XPO4: variants seen among roughly 807,000 people sequenced by gnomAD.
The protein encoded by XPO4 is exportin 4, also known as exportin-4.
Under a neutral mutation model 143.0 loss-of-function variants are expected in XPO4, and 39 were observed. The ratio of observed to expected loss-of-function variants is 0.27; its 90% CI spans 0.21 to 0.36. XPO4 has a LOEUF of 0.36. Ranked by LOEUF, XPO4 falls within the 10% of genes least tolerant of loss-of-function variation. The pLI, the probability that XPO4 is intolerant of heterozygous loss-of-function variation, is 1.00. For synonymous variants in XPO4, 439 were observed against 474.0 expected, an observed-to-expected ratio of 0.93 and a Z score of 0.96; for missense variants, 907 against 1,348.0, an observed-to-expected ratio of 0.67 and a Z score of 5.12.
chr13:20,874,362 T>G (rs2060331854), intron 1 of XPO4, among the ~76,000 whole-genome samples: 1 of 151,770 alleles, frequency 6.6e-6, no homozygotes, highest in South Asian at 2.1e-4. Flanking sequence ...TTTAATTTCT[T>G]GTTTATCTTT....
At chr13:20,846,590 C>A (rs1269102630) in intron 4 of XPO4, among the ~76,000 whole-genome samples, 1 of 152,154 alleles carries the variant, frequency 6.6e-6, no homozygotes, top group Admixed American at 6.5e-5. Context: ...ATAGACTTAG[C>A]CCCCTGAACA....
At chr13:20,874,120 G>A (rs9579960) in intron 1 of XPO4, among the ~76,000 whole-genome samples, 13,724 of 152,140 alleles carry the variant, frequency 0.09, 812 homozygotes, top group Non-Finnish European at 0.13. Context: ...TACTGCTGGC[G>A]ACACACAGTT....
chr13:20,802,088 C>T (rs1373567198), intron 13 of XPO4, among the ~76,000 whole-genome samples: 1 of 152,098 alleles, frequency 6.6e-6, no homozygotes, highest in African/African-American at 2.4e-5. Flanking sequence ...GACAGAGTTG[C>T]TCTGTCACCC....
intron 2 of XPO4, among the ~76,000 whole-genome samples, chr13:20,864,654 C>G (rs563498529): frequency 6.6e-6 from 1 of 152,310 alleles, no homozygotes; most frequent in East Asian, 1.9e-4. Flanking sequence ...TTAATGATCA[C>G]TGAAACATTC....
chr13:20,880,428 G>A (rs1182789200), intron 1 of XPO4, among the ~76,000 whole-genome samples: 6 of 149,722 alleles, frequency 4.0e-5, no homozygotes, highest in East Asian at 2.0e-4. Flanking sequence ...GCGAGACTCC[G>A]TCTCAAAAAA....
At chr13:20,890,804 A>AAC (rs1218347071) in intron 1 of XPO4, among the ~76,000 whole-genome samples, 1 of 150,336 alleles carries the variant, frequency 6.7e-6, no homozygotes, top group Non-Finnish European at 1.5e-5. Context: ...GCCTCAAAAA[A>AAC]AAAAAAAAAA....
chr13:20,897,607 G>A (rs2060582143), intron 1 of XPO4, among the ~76,000 whole-genome samples: 1 of 152,268 alleles, frequency 6.6e-6, no homozygotes, highest in Admixed American at 6.5e-5. Context: ...ACACAGCATA[G>A]TGTCTAACAT....
intron 1 of XPO4, among the ~76,000 whole-genome samples, chr13:20,888,501 C>A (rs2060481553): frequency 6.6e-6 from 1 of 152,126 alleles, no homozygotes; most frequent in Non-Finnish European, 1.5e-5. Context: ...CAGGTGCAGG[C>A]CTCCACACAT....
chr13:20,798,703 T>C lies in XPO4; in HGVS notation c.2322+462A>G, dbSNP rs540097203. Among the ~76,000 whole-genome samples the C allele has an allele frequency of 5.7e-4, 87 of 152,026 alleles. No individual in the cohort carries two copies. In the South Asian group the frequency reaches 0.017, roughly 29 times the overall value. On this transcript the variant is annotated intron_variant, in intron 16 of 22. Transcript: ENST00000255305. ...AAATAAGAAGCTTCAACCCATTCAT[T>C]AGGAGAAAAAATATCAGAAAAGCTA...
intron 13 of XPO4, among the ~76,000 whole-genome samples, chr13:20,802,049 G>C (rs1436860786): frequency 3.3e-5 from 5 of 151,984 alleles, no homozygotes; most frequent in African/African-American, 1.2e-4. Context: ...TTCCACCCCA[G>C]AATCTCTTCT....
intron 1 of XPO4, among the ~76,000 whole-genome samples, chr13:20,881,259 T>G (rs1162127137): frequency 6.6e-6 from 1 of 152,124 alleles, no homozygotes; most frequent in East Asian, 1.9e-4. Flanking sequence ...AAATTTTATG[T>G]TGAATTTTAC....
chr13:20,836,989 G>A (rs1595114768), intron 6 of XPO4, among the ~76,000 whole-genome samples: 1 of 152,186 alleles, frequency 6.6e-6, no homozygotes, highest in African/African-American at 2.4e-5. Context: ...GTTGTAGCAT[G>A]TATCAGTAAT....
intron 4 of XPO4, chr13:20,848,983 A>G (rs1309096484): frequency 2.0e-6 from 2 of 985,320 alleles, no homozygotes; most frequent in African/African-American, 3.5e-5. Flanking sequence ...TTAGACCAGC[A>G]TTCTCATTTA....
intron 1 of XPO4, among the ~76,000 whole-genome samples, chr13:20,883,715 C>T (rs755360757): frequency 6.6e-6 from 1 of 152,108 alleles, no homozygotes; most frequent in Admixed American, 6.5e-5. Flanking sequence ...AAAGTGAATC[C>T]AAATTAATGA....
chr13:20,861,453 G>A (rs965994807), intron 3 of XPO4, among the ~76,000 whole-genome samples: 4 of 151,348 alleles, frequency 2.6e-5, no homozygotes, highest in African/African-American at 7.3e-5. Context: ...GCACTACCAC[G>A]CCCGACTAAT....
In XPO4 at chr13:20,787,484, A is replaced by G. The variant is rs1315277877; in HGVS notation, c.3162T>C (p.Leu1054=). Residue 1054 remains leucine (L), a synonymous_variant, in exon 21 of 23, where the codon CTT becomes CTC. Transcript: ENST00000255305. ...SPLFLATRHF[L]KLVFDMLVLQ... is the part of the protein sequence containing the mutation. ...ACCTACCGCACAGACATCTTACCTT[A>G]AGAAAGTGCCGTGTTGCTAGAAAAA... 1.2e-6 allele frequency: 2 copies of G among 1,613,996 alleles called. No individual in the cohort carries two copies. Among genetic ancestry groups the G allele is most frequent in the African/African-American group, 2.7e-5 (2 of 74,944 alleles).
intron 2 of XPO4, among the ~76,000 whole-genome samples, chr13:20,863,906 G>C (rs1387377053): frequency 1.3e-5 from 2 of 152,044 alleles, no homozygotes; most frequent in Non-Finnish European, 2.9e-5. Context: ...TTCAAGCTCA[G>C]GTCATTTAAA....
intron 4 of XPO4, chr13:20,849,857 G>T (rs1356027418): frequency 1.0e-6 from 1 of 966,678 alleles, no homozygotes; most frequent in African/African-American, 1.8e-5. Context: ...TGTAATCCCA[G>T]CACTTTGGGA....
At chr13:20,834,934 T>C (rs1336273867) in intron 6 of XPO4, among the ~76,000 whole-genome samples, 2 of 152,216 alleles carry the variant, frequency 1.3e-5, no homozygotes, top group African/African-American at 4.8e-5. Context: ...TACCTTAGCC[T>C]GGGTGACAGA....
Sources: allele counts gnomAD v4.1 joint callset (sites outside exome capture counted in the v4.1 genomes callset), GRCh38; gene constraint gnomAD v4.1.1; transcripts MANE v1.5; gene names NCBI Gene and HGNC (gene_info 2026-07-23, HGNC 2026-07-21).